The following SMG5 variants were observed in gnomAD, a reference collection of about 807,000 sequenced individuals.
The protein encoded by SMG5 is nonsense-mediated mRNA decay factor SMG5.
Under a neutral mutation model 122.9 loss-of-function variants are expected in SMG5, and 53 were observed. That is an observed-to-expected ratio of 0.43 (90% CI 0.35 to 0.54). SMG5 has a LOEUF of 0.54. SMG5 is among the 20% of genes least tolerant of loss of function. The probability of loss-of-function intolerance (pLI) is 0.01; values close to 1 mark genes in which losing one functional copy is unlikely to be tolerated. For synonymous variants in SMG5, 477 were observed against 490.2 expected, an observed-to-expected ratio of 0.97 and a Z score of 0.35; for missense variants, 1,153 against 1,285.6, an observed-to-expected ratio of 0.90 and a Z score of 1.58.
At chr1:156,270,932 G>A (rs755547744) in intron 7 of SMG5, among the ~76,000 whole-genome samples, 8 of 151,800 alleles carry the variant, frequency 5.3e-5, no homozygotes, top group South Asian at 4.2e-4. Context: ...ACTTGAACCC[G>A]GGAGGCGGAG....
rs768489852 is a variant in SMG5 at position 156,251,023 on chromosome 1, T to C, written c.2829-27A>G. ...TGGGGATGGGGGGCAGAGGGGAAGA[T>C]GGGCCAAGACCCAGCATTAGCACAG... On this transcript the variant is annotated intron_variant, in intron 20 of 21. Coordinates refer to ENST00000361813, the MANE Select transcript of SMG5 (RefSeq NM_015327.3). 3.1e-6 allele frequency: 5 copies of C among 1,609,770 alleles called. No homozygotes were observed. In the African/African-American group the frequency reaches 4.0e-5, roughly 13 times the overall value.
At position 156,265,921 on chromosome 1, in the gene SMG5, G is replaced by A. The variant is rs1354843797; in HGVS notation, c.1715C>T (p.Thr572Ile). The A allele has an allele frequency of 6.2e-7, 1 of 1,614,222 alleles. No homozygotes were observed. Among genetic ancestry groups the A allele is most frequent in the Non-Finnish European group, 8.5e-7 (1 of 1,180,036 alleles). ...GCAGCGCTTAGTCTGGAACATCTGG[G>A]TGGACATGGCTTGTAGATTGCTGGC... ...SIASNLQAMS[T>I]QMFQTKRCFR... The change falls in exon 12 of 22, where the codon ACC becomes ATC. Residue 572 changes from threonine to isoleucine, a missense_variant. By Grantham distance (89) the Thr-to-Ile change is moderately conservative. Coordinates refer to ENST00000361813, the MANE Select transcript of SMG5 (RefSeq NM_015327.3).
At chr1:156,260,167 T>C (rs1352718922) in intron 15 of SMG5, among the ~76,000 whole-genome samples, 2 of 152,080 alleles carry the variant, frequency 1.3e-5, no homozygotes, top group Non-Finnish European at 2.9e-5. Flanking sequence ...GAAGCCCTAA[T>C]AACTATTTGT....
chr1:156,282,629 G>A lies in SMG5; in HGVS notation c.52C>T (p.Leu18Phe), dbSNP rs777557627. The A allele has an allele frequency of 4.4e-6, 7 of 1,608,906 alleles. No homozygotes were observed. The highest frequency in any genetic ancestry group is 4.0e-5 in the African/African-American group (3 of 74,916). ...GESSEPEAKVLHTKRLYRAVV... is the reference protein window; with the variant it reads ...GESSEPEAKVFHTKRLYRAVV... ...CACCGGTAAAGCCGCTTAGTGTGGA[G>A]GACTTTTGCTTCGGGCTCGCTGCTC... The change falls in exon 1 of 22, where the codon CTC becomes TTC. Residue 18 changes from leucine (L) to phenylalanine (F), a missense_variant. Transcript: ENST00000361813.
At chr1:156,263,118 G>A (rs1459988243) in intron 13 of SMG5, among the ~76,000 whole-genome samples, 6 of 152,114 alleles carry the variant, frequency 3.9e-5, no homozygotes, top group African/African-American at 7.2e-5. Flanking sequence ...TACTTCTACC[G>A]GCATTACTCA....
chr1:156,261,638 A>G lies in SMG5; in HGVS notation c.2032-230T>C, dbSNP rs548172317. On this transcript the variant is annotated intron_variant, in intron 13 of 21. Transcript: ENST00000361813. The stretch of plus-strand genomic sequence containing the variant: ...CACGGTGGTTCATGCCTATAATCCC[A>G]GCACTTTGGAAGGCCAAGGTAGGCG... 1.8e-4 allele frequency among the ~76,000 whole-genome samples: 27 copies of G among 152,278 alleles called. No individual in the cohort carries two copies. In the South Asian group the frequency reaches 5.6e-3, roughly 32 times the overall value.
At chr1:156,253,236 A>T (rs1425470050) in intron 17 of SMG5, among the ~76,000 whole-genome samples, 158 bp from the exon 18 acceptor site, 2 of 152,176 alleles carry the variant, frequency 1.3e-5, no homozygotes, top group African/African-American at 4.8e-5. Context: ...GTAAACAGAA[A>T]TAAGAGTTAA....
At chr1:156,279,439 T>A (rs1662836850) in intron 1 of SMG5, among the ~76,000 whole-genome samples, 1 of 152,156 alleles carries the variant, frequency 6.6e-6, no homozygotes, top group Admixed American at 6.5e-5. Flanking sequence ...ACTCTCCCAA[T>A]GGAAAGAGCA....
chr1:156,249,709 T>C lies in SMG5; in HGVS notation c.*878A>G. ...AATGCCGGCCCCTTGTCTTCAGCCC[T>C]CCCTTAGATAGGAAGGGGGGTGGTG... is the stretch of plus-strand genomic sequence containing the variant. On this transcript the variant is annotated 3_prime_UTR_variant, in exon 22 of 22. Coordinates refer to ENST00000361813, the MANE Select transcript of SMG5 (RefSeq NM_015327.3). The C allele has an allele frequency of 2.1e-6, 1 of 468,392 alleles. No individual in the cohort carries two copies. The highest frequency in any genetic ancestry group is 4.4e-6 in the Non-Finnish European group (1 of 226,410). 29.0% of individuals were successfully genotyped at this position (468,392 alleles called of 1,614,324 possible).
At chr1:156,271,385 T>G (rs71519503) in intron 7 of SMG5, among the ~76,000 whole-genome samples, 253 of 152,286 alleles carry the variant, frequency 1.7e-3, no homozygotes, top group Non-Finnish European at 2.9e-3. Context: ...CTTCTCAACT[T>G]TAGCACTGAT....
intron 7 of SMG5, among the ~76,000 whole-genome samples, chr1:156,268,973 C>CA (rs1662278782): frequency 6.9e-6 from 1 of 144,054 alleles, no homozygotes; most frequent in East Asian, 2.0e-4. Context: ...CAATCCAACT[C>CA]TTTTTTTTTT....
In SMG5 at chr1:156,265,814, C is replaced by T. The variant is rs747856661; in HGVS notation, c.1822G>A (p.Val608Ile). ...PHTSASHRPC[V>I]NGDVDKPSEP... ...GAAGGCTTGTCTACATCCCCATTGA[C>T]GCAAGGCCTGTGGCTGGCCGAGGTA... Residue 608 changes from valine to isoleucine, a missense_variant, in exon 12 of 22, where the codon GTC (valine) becomes ATC (isoleucine). By Grantham distance (29) the Val-to-Ile change is conservative. Transcript: ENST00000361813. The T allele has an allele frequency of 1.2e-5, 19 of 1,613,856 alleles. No individual in the cohort carries two copies. Among genetic ancestry groups the T allele is most frequent in the South Asian group, 2.2e-5 (2 of 91,032 alleles).
the SMG5 span, among the ~76,000 whole-genome samples, chr1:156,288,639 G>A: frequency 6.6e-6 from 1 of 152,072 alleles, no homozygotes; most frequent in Non-Finnish European, 1.5e-5. Context: ...CACCTGGCCT[G>A]CTCTTGTTAC....
intron 21 of SMG5, 72 bp from the exon 22 acceptor site, chr1:156,250,742 G>T: frequency 6.2e-7 from 1 of 1,600,754 alleles, no homozygotes. Context: ...TTGAGGCGCT[G>T]GGGAAGGAGT....
intron 20 of SMG5, 137 bp downstream of exon 20, chr1:156,251,266 T>TGA: frequency 9.3e-7 from 1 of 1,070,918 alleles, no homozygotes; most frequent in Non-Finnish European, 1.4e-6. Context: ...CCTCGCAAGG[T>TGA]GAGGCCTGCA....
intron 10 of SMG5, among the ~76,000 whole-genome samples, 170 bp downstream of exon 10, chr1:156,267,300 A>G (rs1662194373): frequency 1.3e-5 from 2 of 151,918 alleles, no homozygotes; most frequent in Non-Finnish European, 2.9e-5. Flanking sequence ...AATTACCAGG[A>G]CCTCCTTTAG....
Position 156,266,038 on chromosome 1 carries a change from C to T in SMG5, c.1598G>A (p.Gly533Glu). ...SDLEDMEEEE[G>E]TRSPTLEPPR... ...GGGCTCCAGGGTTGGTGACCGTGTC[C>T]CCTCCTCTTCCTCCATATCTTCCAA... The change falls in exon 12 of 22, where the codon GGG becomes GAG. Residue 533 changes from glycine (G) to glutamate (E), a missense_variant. Physicochemically the swap from Gly to Glu is moderately conservative, Grantham distance 98. Coordinates refer to ENST00000361813, the MANE Select transcript of SMG5 (RefSeq NM_015327.3). 1.9e-6 allele frequency: 3 copies of T among 1,614,176 alleles called. No homozygotes were observed. Among genetic ancestry groups the T allele is most frequent in the East Asian group, 4.5e-5 (2 of 44,874 alleles).
At chr1:156,264,399 G>A (rs1474824264) in intron 12 of SMG5, among the ~76,000 whole-genome samples, 1 of 150,756 alleles carries the variant, frequency 6.6e-6, no homozygotes, top group African/African-American at 2.4e-5. Flanking sequence ...TCAGTCATTC[G>A]ATAGTTCTTA....
rs912980949 is a variant in SMG5 at position 156,266,358 on chromosome 1, A to G, written c.1278T>C (p.Pro426=). Residue 426 remains proline, a synonymous_variant, in exon 12 of 22, where the codon CCT becomes CCC. Coordinates refer to ENST00000361813, the MANE Select transcript of SMG5 (RefSeq NM_015327.3). ...DGTDEPESKE[P]VEKEEEPDPE... Reference sequence around the variant, plus strand: ...GATCTGGCTCCTCCTCTTTCTCCACAGGTTCCTTGGACTCTGGTTCATCTG... The same window carrying G: ...GATCTGGCTCCTCCTCTTTCTCCACGGGTTCCTTGGACTCTGGTTCATCTG... 5.0e-6 allele frequency: 8 copies of G among 1,613,346 alleles called. No individual in the cohort carries two copies. The African/African-American group carries it at 6.7e-5, about 13-fold the overall frequency.
Sources: gnomAD v4.1 joint callset for allele counts (sites outside exome capture counted in the v4.1 genomes callset) on GRCh38, gnomAD v4.1.1 for gene constraint, MANE v1.5 for transcripts, NCBI Gene and HGNC (gene_info 2026-07-23, HGNC 2026-07-21) for gene names.